Variants in ADCK1 observed in about 807,000 individuals in gnomAD.
ADCK1 encodes the protein aarF domain containing kinase 1, also known as aarF domain-containing protein kinase 1.
Under a neutral mutation model 52.3 loss-of-function variants are expected in ADCK1, and 41 were observed. That is an observed-to-expected ratio of 0.78 (90% confidence interval 0.61 to 1.02). The LOEUF is 1.02. Among genes scored for constraint, ADCK1 ranks in the 50% least tolerant of loss-of-function variants. The probability of loss-of-function intolerance (pLI) is 0.00; values close to 1 mark genes in which losing one functional copy is unlikely to be tolerated. For missense variants in ADCK1, 658 were observed against 679.5 expected, an observed-to-expected ratio of 0.97 and a Z score of 0.35; for synonymous variants, 250 against 274.6, an observed-to-expected ratio of 0.91 and a Z score of 0.89.
intron 7 of ADCK1, among the ~76,000 whole-genome samples, chr14:77,920,873 C>T (rs568472312): frequency 9.2e-5 from 14 of 152,098 alleles, no homozygotes; most frequent in South Asian, 2.1e-4. Context: ...TGGTCTGAAA[C>T]GCCTGTCCTC....
Position 77,819,067 on chromosome 14 carries a change from A to T in ADCK1, c.89A>T (p.Asp30Val), listed in dbSNP as rs917002220. 1.6e-5 allele frequency: 26 copies of T among 1,614,128 alleles called. No individual in the cohort carries two copies. The Admixed American group carries it at 3.2e-4, about 20-fold the overall frequency. The change falls in exon 2 of 11, where the codon GAC (aspartate) becomes GTC (valine). Residue 30 changes from aspartate to valine, a missense_variant. Coordinates refer to ENST00000238561, the MANE Select transcript of ADCK1 (RefSeq NM_020421.4). ...GIYFYSNKYLDPNDFGAVRVG... is the reference protein window; with the variant it reads ...GIYFYSNKYLVPNDFGAVRVG... ...TACTTCTACAGTAACAAGTACTTGG[A>T]CCCTAATGACTTTGGCGCTGTCAGG... is the stretch of plus-strand genomic sequence containing the variant.
rs2084396180 is a variant in ADCK1 at position 77,933,736 on chromosome 14, C to T, written c.*345C>T. The T allele has an allele frequency of 4.3e-6, 1 of 235,210 alleles. No individual in the cohort carries two copies. The highest frequency in any genetic ancestry group is 5.0e-5 in the Admixed American group (1 of 20,000). The allele number at this position is 235,210 out of a possible 1,614,324, so 14.6% of individuals were successfully genotyped here. On this transcript the variant is annotated 3_prime_UTR_variant, in exon 11 of 11. Coordinates refer to ENST00000238561, the MANE Select transcript of ADCK1 (RefSeq NM_020421.4). ...CGGGTGCCACTGGGGGCACACTGAA[C>T]TTGTAGGGAGTGTGATTTTGTTGGA... is the stretch of plus-strand genomic sequence containing the variant.
intron 3 of ADCK1, among the ~76,000 whole-genome samples, chr14:77,850,838 G>A (rs2082270088): frequency 6.7e-6 from 1 of 149,394 alleles, no homozygotes; most frequent in Non-Finnish European, 1.5e-5. Context: ...TGTATTTTTA[G>A]TAGCGATGTG....
intron 4 of ADCK1, among the ~76,000 whole-genome samples, chr14:77,872,823 C>T (rs1421178997): frequency 7.9e-5 from 12 of 151,982 alleles, no homozygotes; most frequent in East Asian, 3.9e-4. Context: ...TACAGGCATC[C>T]GCCACCACGC....
At chr14:77,911,657 C>T (rs2083793477) in intron 7 of ADCK1, among the ~76,000 whole-genome samples, 1 of 152,090 alleles carries the variant, frequency 6.6e-6, no homozygotes, top group African/African-American at 2.4e-5. Context: ...AAGTAAGTTC[C>T]CCAAAATGAT....
intron 4 of ADCK1, among the ~76,000 whole-genome samples, chr14:77,863,297 A>T (rs761361535): frequency 3.9e-5 from 6 of 152,148 alleles, no homozygotes; most frequent in Non-Finnish European, 8.8e-5. Context: ...CTGAATATTT[A>T]GTAATGTGGG....
chr14:77,806,318 A>G (rs1244210902), intron 1 of ADCK1, among the ~76,000 whole-genome samples: 2 of 152,078 alleles, frequency 1.3e-5, no homozygotes, highest in East Asian at 3.9e-4. Context: ...TTCAAATTAA[A>G]CTATAAACTA....
chr14:77,845,082 A>C (rs1186256813), intron 3 of ADCK1, among the ~76,000 whole-genome samples: 3 of 152,254 alleles, frequency 2.0e-5, no homozygotes, highest in African/African-American at 7.2e-5. Flanking sequence ...TCAGGATTGC[A>C]TAAGTAGGGG....
intron 5 of ADCK1, among the ~76,000 whole-genome samples, chr14:77,887,542 G>A (rs1364741810): frequency 6.6e-6 from 1 of 152,196 alleles, no homozygotes; most frequent in Admixed American, 6.5e-5. Flanking sequence ...TCAGGGAAGG[G>A]ATGTTGTAGA....
intron 9 of ADCK1, among the ~76,000 whole-genome samples, chr14:77,926,387 A>T (rs887532392): frequency 1.2e-4 from 19 of 152,160 alleles, no homozygotes; most frequent in Admixed American, 3.3e-4. Flanking sequence ...CTCCCATCAC[A>T]TGGCTCCTCT....
At chr14:77,843,008 G>C (rs1299616232) in intron 3 of ADCK1, among the ~76,000 whole-genome samples, 2 of 151,262 alleles carry the variant, frequency 1.3e-5, no homozygotes, top group African/African-American at 4.9e-5. Flanking sequence ...TCCTGCCTCA[G>C]CCTCCTGAGT....
intron 4 of ADCK1, among the ~76,000 whole-genome samples, chr14:77,878,161 T>A (rs1176636687): frequency 2.0e-5 from 3 of 152,272 alleles, no homozygotes; most frequent in African/African-American, 7.2e-5. Context: ...CGGAGGCTGG[T>A]GGCTGTACCC....
rs1311421488 is a variant in ADCK1 at position 77,934,220 on chromosome 14, T to C, written c.*829T>C. On this transcript the variant is annotated 3_prime_UTR_variant, in exon 11 of 11. Coordinates refer to ENST00000238561, the MANE Select transcript of ADCK1 (RefSeq NM_020421.4). ...GATCTTCTGCTTGGCTTCTTGCTCCTGTAATCCTTCCAACCTGTGGGGCCA... is the reference window on the plus strand; with the variant it reads ...GATCTTCTGCTTGGCTTCTTGCTCCCGTAATCCTTCCAACCTGTGGGGCCA... 8.6e-5 allele frequency: 13 copies of C among 152,026 alleles called. No homozygotes were observed. The highest frequency in any genetic ancestry group is 8.5e-4 in the Admixed American group (13 of 15,262). The allele number at this position is 152,026 out of a possible 1,614,324, so 9.4% of individuals were successfully genotyped here. A position where few individuals can be genotyped will look rare whatever the true frequency, so the allele number is the denominator to read the frequency against.
At chr14:77,849,266 G>T (rs900141937) in intron 3 of ADCK1, among the ~76,000 whole-genome samples, 13 of 152,084 alleles carry the variant, frequency 8.5e-5, no homozygotes, top group African/African-American at 3.1e-4. Flanking sequence ...CAGAGACAGG[G>T]TCTCTCTATG....
chr14:77,887,745 G>T (rs750301673), intron 5 of ADCK1, among the ~76,000 whole-genome samples: 1 of 152,154 alleles, frequency 6.6e-6, no homozygotes, highest in Non-Finnish European at 1.5e-5. Flanking sequence ...AGAAATTCAC[G>T]TGTCTGAACG....
At chr14:77,849,050 C>G (rs8005007) in intron 3 of ADCK1, among the ~76,000 whole-genome samples, 150,874 of 152,164 alleles carry the variant, frequency 0.99, 74,814 homozygotes, top group Middle Eastern at 1. Flanking sequence ...GGATGGTCTC[C>G]ATCTCCTGAC....
intron 3 of ADCK1, among the ~76,000 whole-genome samples, chr14:77,842,142 C>T (rs2082081325): frequency 6.6e-6 from 1 of 152,012 alleles, no homozygotes; most frequent in African/African-American, 2.4e-5. Context: ...TGCCATAATT[C>T]TTTCATTATT....
At chr14:77,865,679 G>A (rs781007274) in intron 4 of ADCK1, among the ~76,000 whole-genome samples, 5 of 152,184 alleles carry the variant, frequency 3.3e-5, no homozygotes, top group Non-Finnish European at 5.9e-5. Context: ...GAGCCTTGGC[G>A]GTAGACAGGA....
At chr14:77,817,141 C>T (rs1052878660) in intron 1 of ADCK1, among the ~76,000 whole-genome samples, 3 of 152,126 alleles carry the variant, frequency 2.0e-5, no homozygotes, top group African/African-American at 7.2e-5. Context: ...ACTCGGGAGG[C>T]TGAGGCAGGA....
Sources: allele counts gnomAD v4.1 joint callset (sites outside exome capture counted in the v4.1 genomes callset), GRCh38; gene constraint gnomAD v4.1.1; transcripts MANE v1.5; gene names NCBI Gene and HGNC (gene_info 2026-07-23, HGNC 2026-07-21).